GALNT13: variants seen among roughly 807,000 people sequenced by gnomAD.
GALNT13 encodes UDP-GalNAc:polypeptide N-acetylgalactosaminyltransferase 13.
Under a neutral mutation model 64.2 loss-of-function variants are expected in GALNT13, and 28 were observed. The observed-to-expected ratio is 0.44, with a 90% confidence interval of 0.32 to 0.60. The LOEUF (loss-of-function observed/expected upper bound fraction) is 0.60, where lower values mean the gene tolerates loss of function less well. GALNT13 is among the 20% of genes least tolerant of loss of function. GALNT13 has a pLI of 0.05. For missense variants in GALNT13, 577 were observed against 669.8 expected (o/e 0.86, Z 1.53); for synonymous variants, 214 against 224.6 (o/e 0.95, Z 0.42).
chr2:153,495,646 A>G, the GALNT13 span, among the ~76,000 whole-genome samples: 20 of 152,360 alleles, frequency 1.3e-4, no homozygotes, highest in Middle Eastern at 3.4e-3. Flanking sequence ...AAAAATTCAT[A>G]CAGAAAAGAG....
At chr2:153,983,745 A>G (rs1328840040) in intron 3 of GALNT13, among the ~76,000 whole-genome samples, 2 of 151,994 alleles carry the variant, frequency 1.3e-5, no homozygotes, top group African/African-American at 4.8e-5. Flanking sequence ...CATTACATAA[A>G]CATGCTGTTT....
chr2:154,296,265 T>G (rs1692919246), intron 8 of GALNT13, among the ~76,000 whole-genome samples: 1 of 152,176 alleles, frequency 6.6e-6, no homozygotes, highest in South Asian at 2.1e-4. Flanking sequence ...AACCATAGCT[T>G]CAGAATTCAC....
the GALNT13 span, among the ~76,000 whole-genome samples, chr2:153,147,299 T>G: frequency 6.6e-6 from 1 of 151,756 alleles, no homozygotes; most frequent in African/African-American, 2.4e-5. Context: ...GTCTAGAAAC[T>G]TTTGTGCTCA....
chr2:153,253,253 G>T, the GALNT13 span, among the ~76,000 whole-genome samples: 2 of 149,442 alleles, frequency 1.3e-5, no homozygotes, highest in Non-Finnish European at 3.0e-5. Flanking sequence ...GTTCACTCAT[G>T]ATTTGGCTCT....
the GALNT13 span, among the ~76,000 whole-genome samples, chr2:153,836,298 A>G: frequency 0.9 from 136,473 of 152,048 alleles, 62,044 homozygotes; most frequent in Non-Finnish European, 0.94. Context: ...GCTTATTATC[A>G]CATCTATCAC....
At chr2:153,460,715 A>G in the GALNT13 span, among the ~76,000 whole-genome samples, 1 of 152,162 alleles carries the variant, frequency 6.6e-6, no homozygotes, top group Non-Finnish European at 1.5e-5. Context: ...AGCAATAACA[A>G]AAATAAACAA....
the GALNT13 span, among the ~76,000 whole-genome samples, chr2:153,285,218 A>C: frequency 6.6e-6 from 1 of 152,092 alleles, no homozygotes; most frequent in Admixed American, 6.5e-5. Context: ...CATTATCATG[A>C]GAACAGCATG....
At chr2:154,048,276 G>A (rs1479360886) in intron 3 of GALNT13, among the ~76,000 whole-genome samples, 4 of 152,140 alleles carry the variant, frequency 2.6e-5, no homozygotes, top group East Asian at 1.9e-4. Context: ...ACGGGGTTTA[G>A]GTGGGGGCCC....
rs116086757 is a variant in GALNT13, at chr2:153,911,803, G to A, written c.-105+10796G>A. Among the ~76,000 whole-genome samples the A allele has an allele frequency of 9.6e-3, 1,454 of 152,182 alleles. 21 individuals are homozygous for A. Among genetic ancestry groups the A allele is most frequent in the African/African-American group, 0.033 (1,377 of 41,514 alleles). The stretch of plus-strand genomic sequence containing the variant: ...CTGTTAGTCTGATGGGCTTCCTTTT[G>A]TGGGTGACCTGTCCTTTGTCTCTTG... On this transcript the variant is annotated intron_variant, in intron 2 of 12. Transcript: ENST00000392825.
chr2:153,587,978 G>T, the GALNT13 span, among the ~76,000 whole-genome samples: 9 of 152,316 alleles, frequency 5.9e-5, no homozygotes, highest in African/African-American at 2.2e-4. Flanking sequence ...GGGGCTACAG[G>T]CCCCATGCAA....
chr2:153,316,058 C>T, the GALNT13 span, among the ~76,000 whole-genome samples: 3 of 151,138 alleles, frequency 2.0e-5, no homozygotes, highest in Admixed American at 6.6e-5. Flanking sequence ...CATTAGTAAT[C>T]AGGGATATAC....
At chr2:153,731,713 G>A in the GALNT13 span, among the ~76,000 whole-genome samples, 2 of 151,816 alleles carry the variant, frequency 1.3e-5, no homozygotes, top group African/African-American at 2.4e-5. Flanking sequence ...GGTTTCAAGC[G>A]AAAAATTGGC....
At chr2:154,405,759 T>TA (rs1282297549) in intron 10 of GALNT13, among the ~76,000 whole-genome samples, 1 of 151,698 alleles carries the variant, frequency 6.6e-6, no homozygotes, top group African/African-American at 2.4e-5. Flanking sequence ...TTTCTGAAAA[T>TA]AAAATTGCAA....
At chr2:153,656,413 TA>T in the GALNT13 span, among the ~76,000 whole-genome samples, 19 of 150,772 alleles carry the variant, frequency 1.3e-4, no homozygotes, top group East Asian at 1.4e-3. Flanking sequence ...ACTGTGATCA[TA>T]AAAAAAAAGT....
chr2:153,766,049 A>C, the GALNT13 span, among the ~76,000 whole-genome samples: 4 of 152,226 alleles, frequency 2.6e-5, no homozygotes, highest in Non-Finnish European at 5.9e-5. Context: ...CAGCATGAGA[A>C]CAGACTAATA....
At chr2:153,207,411 A>G in the GALNT13 span, among the ~76,000 whole-genome samples, 1 of 152,116 alleles carries the variant, frequency 6.6e-6, no homozygotes, top group Non-Finnish European at 1.5e-5. Flanking sequence ...TTTCATCAGA[A>G]TATGTAATAT....
intron 3 of GALNT13, among the ~76,000 whole-genome samples, chr2:154,024,253 T>C (rs1219552813): frequency 2.0e-5 from 3 of 152,220 alleles, no homozygotes; most frequent in Middle Eastern, 3.2e-3. Flanking sequence ...CCTTGCTAGA[T>C]TGGGGAAGTT....
At chr2:153,740,905 T>C in the GALNT13 span, among the ~76,000 whole-genome samples, 4 of 152,258 alleles carry the variant, frequency 2.6e-5, no homozygotes, top group East Asian at 5.8e-4. Context: ...CCTCTTTTAC[T>C]TTCCGGCTCT....
At chr2:153,560,252 G>C in the GALNT13 span, among the ~76,000 whole-genome samples, 1 of 151,990 alleles carries the variant, frequency 6.6e-6, no homozygotes, top group Non-Finnish European at 1.5e-5. Flanking sequence ...ATGGAACAGA[G>C]CTAGGAAATA....
Sources: allele counts gnomAD v4.1 joint callset (sites outside exome capture counted in the v4.1 genomes callset), GRCh38; gene constraint gnomAD v4.1.1; transcripts MANE v1.5; gene names NCBI Gene and HGNC (gene_info 2026-07-23, HGNC 2026-07-21).